ECPAS: variants seen among roughly 807,000 people sequenced by gnomAD.
ECPAS encodes the protein Ecm29 proteasome adaptor and scaffold, also known as proteasome adapter and scaffold protein ECM29.
In ECPAS, 70 loss-of-function variants were observed where a neutral mutation model predicts 255.1. The ratio of observed to expected loss-of-function variants is 0.27; its 90% confidence interval spans 0.23 to 0.33. The LOEUF (loss-of-function observed/expected upper bound fraction) is 0.33. ECPAS is among the 10% of genes least tolerant of loss of function. The pLI is 1.00. For missense variants in ECPAS, 1,817 were observed against 2,206.4 expected (o/e 0.82, Z 3.54); for synonymous variants, 784 against 775.0 (o/e 1.01, Z -0.19).
At chr9:111,413,842 A>G in intron 20 of ECPAS, 53 bp downstream of exon 20, 2 of 1,126,958 alleles carry the variant, frequency 1.8e-6, no homozygotes, top group Non-Finnish European at 2.5e-6. Flanking sequence ...GAAATCATGA[A>G]GTTAAGGTCT....
At chr9:111,473,665 C>T (rs1024001424) in intron 1 of ECPAS, among the ~76,000 whole-genome samples, 1 of 152,138 alleles carries the variant, frequency 6.6e-6, no homozygotes. Context: ...GCTATCTCTT[C>T]CCATTCTTAA....
chr9:111,389,926 T>C (rs2098156772), intron 30 of ECPAS, 58 bp downstream of exon 30: 3 of 1,279,400 alleles, frequency 2.3e-6, no homozygotes, highest in Admixed American at 2.0e-5. Context: ...TGTCTGCCAA[T>C]GTAGCATGTT....
chr9:111,475,380 C>T (rs955145900), intron 1 of ECPAS, among the ~76,000 whole-genome samples: 6 of 152,194 alleles, frequency 3.9e-5, no homozygotes, highest in African/African-American at 1.4e-4. Flanking sequence ...CCTGTGCCAA[C>T]TATTCTCACT....
intron 36 of ECPAS, among the ~76,000 whole-genome samples, chr9:111,377,277 T>C (rs999793262): frequency 2.0e-5 from 3 of 152,050 alleles, no homozygotes; most frequent in African/African-American, 7.2e-5. Flanking sequence ...ATAACAGGGT[T>C]TAACAGTTCT....
At chr9:111,447,147 C>T (rs1283606268) in intron 3 of ECPAS, among the ~76,000 whole-genome samples, 1 of 150,556 alleles carries the variant, frequency 6.6e-6, no homozygotes, top group Non-Finnish European at 1.5e-5. Flanking sequence ...TTTTCCGAGA[C>T]AGGGTCTCAC....
chr9:111,465,877 T>C lies in ECPAS; in HGVS notation c.22+7020A>G, dbSNP rs571280684. On this transcript the variant is annotated intron_variant, in intron 2 of 49. Coordinates refer to ENST00000684092, the MANE Select transcript of ECPAS (RefSeq NM_001364929.1). Reference sequence around the variant, plus strand: ...AGCAAGACCCCATCTCTACAAAAAATTGAAAAATGAGCCAGGCATGGTGGT... The same window carrying C: ...AGCAAGACCCCATCTCTACAAAAAACTGAAAAATGAGCCAGGCATGGTGGT... Among the ~76,000 whole-genome samples, 12 of 151,128 alleles carry C rather than the reference T, an allele frequency of 7.9e-5. No individual in the cohort carries two copies. The East Asian group carries it at 2.0e-3, about 25-fold the overall frequency.
At chr9:111,415,111 A>G (rs893944956) in intron 18 of ECPAS, among the ~76,000 whole-genome samples, 4 of 152,152 alleles carry the variant, frequency 2.6e-5, no homozygotes, top group Non-Finnish European at 5.9e-5. Context: ...GTAATGAAAT[A>G]GTATATACAA....
intron 2 of ECPAS, among the ~76,000 whole-genome samples, chr9:111,453,356 T>C (rs1451634697): frequency 6.6e-6 from 1 of 152,178 alleles, no homozygotes; most frequent in African/African-American, 2.4e-5. Flanking sequence ...AATAACAGCA[T>C]TGGATTATAA....
At chr9:111,400,090 A>G (rs1051842821) in intron 24 of ECPAS, among the ~76,000 whole-genome samples, 1 of 152,244 alleles carries the variant, frequency 6.6e-6, no homozygotes, top group African/African-American at 2.4e-5. Flanking sequence ...GAGAGGGAAG[A>G]GAGCAAGAAA....
intron 32 of ECPAS, 111 bp downstream of exon 32, chr9:111,386,266 C>G: frequency 1.3e-6 from 1 of 767,038 alleles, no homozygotes; most frequent in Non-Finnish European, 2.2e-6. Flanking sequence ...GCCCGGCCAG[C>G]TTTTTAGTAG....
chr9:111,427,300 G>A (rs2098223292), intron 10 of ECPAS, among the ~76,000 whole-genome samples: 1 of 152,178 alleles, frequency 6.6e-6, no homozygotes, highest in Admixed American at 6.5e-5. Context: ...TAGGCATAGA[G>A]AAGTGAAGAC....
At chr9:111,421,631 G>A (rs1278012496) in intron 15 of ECPAS, among the ~76,000 whole-genome samples, 1 of 152,122 alleles carries the variant, frequency 6.6e-6, no homozygotes, top group African/African-American at 2.4e-5. Flanking sequence ...CCAGCGGACA[G>A]TAGTGCTCAG....
rs1294356117 is a variant in ECPAS at position 111,414,655 on chromosome 9, C to T, written c.1765-4G>A. 1.2e-6 allele frequency: 2 copies of T among 1,606,478 alleles called. No homozygotes were observed. The highest frequency in any genetic ancestry group is 1.7e-6 in the Non-Finnish European group (2 of 1,175,410). On this transcript the variant is annotated splice_region_variant and splice_polypyrimidine_tract_variant and intron_variant, in intron 18 of 49. Coordinates refer to ENST00000684092, the MANE Select transcript of ECPAS (RefSeq NM_001364929.1). ...ACATGCGCAAGTACAGAACGATCTACAAACAGAACGGAGAGGAAGACTGCA... is the reference window on the plus strand; with the variant it reads ...ACATGCGCAAGTACAGAACGATCTATAAACAGAACGGAGAGGAAGACTGCA...
intron 3 of ECPAS, among the ~76,000 whole-genome samples, chr9:111,449,643 T>C (rs1180114485): frequency 1.3e-5 from 2 of 150,618 alleles, no homozygotes; most frequent in Non-Finnish European, 3.0e-5. Flanking sequence ...AGTAAATGAG[T>C]TAAAAACTAC....
Position 111,372,492 on chromosome 9 carries a change from C to T in ECPAS, c.4465G>A (p.Glu1489Lys), listed in dbSNP as rs761352196. 7 of 1,613,906 alleles carry T rather than the reference C, an allele frequency of 4.3e-6. No individual in the cohort carries two copies. In the Admixed American group the frequency reaches 1.2e-4, roughly 27 times the overall value. ...CATTCTTCTTTTTCGGATTTCTCCT[C>T]ATCAGCAATTTCATGCATGCCTAAA... ...AFLGMHEIAD[E>K]EKSEKEECNL... is the part of the protein sequence containing the mutation. The change falls in exon 42 of 50, where the codon GAG becomes AAG. Residue 1489 changes from glutamate (E) to lysine (K), a missense_variant. Coordinates refer to ENST00000684092, the MANE Select transcript of ECPAS (RefSeq NM_001364929.1).
chr9:111,465,867 C>G (rs1418500459), intron 2 of ECPAS, among the ~76,000 whole-genome samples: 1 of 151,546 alleles, frequency 6.6e-6, no homozygotes, highest in Non-Finnish European at 1.5e-5. Flanking sequence ...GACCCCATCT[C>G]TACAAAAAAT....
chr9:111,409,861 G>T (rs2131714051), intron 23 of ECPAS, among the ~76,000 whole-genome samples, 180 bp downstream of exon 23: 1 of 152,228 alleles, frequency 6.6e-6, no homozygotes, highest in East Asian at 1.9e-4. Context: ...CACTAAGATT[G>T]TACACAGATA....
intron 16 of ECPAS, 114 bp from the exon 17 acceptor site, chr9:111,418,120 T>A: frequency 1.1e-6 from 1 of 936,460 alleles, no homozygotes; most frequent in Non-Finnish European, 1.5e-6. Context: ...GAAAATGTCT[T>A]AAATACATTC....
chr9:111,363,551 C>T lies in ECPAS; in HGVS notation c.5380+37G>A, dbSNP rs543520038. The T allele has an allele frequency of 5.1e-5, 64 of 1,262,480 alleles. 1 individual carries two copies. The South Asian group carries it at 7.3e-4, about 14-fold the overall frequency. The allele number at this position is 1,262,480 out of a possible 1,614,324, so 78.2% of individuals were successfully genotyped here. A position where few individuals can be genotyped will look rare whatever the true frequency, so the allele number is the denominator to read the frequency against. ...AATTTCTAAAACATATGCCACATGG[C>T]TTTATGGTCCCCCAGTCAGAACTAA... is the stretch of plus-strand genomic sequence containing the variant. On this transcript the variant is annotated intron_variant, in intron 49 of 49. Coordinates refer to ENST00000684092, the MANE Select transcript of ECPAS (RefSeq NM_001364929.1).
Sources: gnomAD v4.1 joint callset for allele counts (sites outside exome capture counted in the v4.1 genomes callset) on GRCh38, gnomAD v4.1.1 for gene constraint, MANE v1.5 for transcripts, NCBI Gene and HGNC (gene_info 2026-07-23, HGNC 2026-07-21) for gene names.